BMPER: variants seen among roughly 807,000 people sequenced by gnomAD.
BMPER encodes the protein BMP binding endothelial regulator.
In BMPER, 45 loss-of-function variants were observed where a neutral mutation model predicts 87.3. The ratio of observed to expected loss-of-function variants is 0.52; its 90% confidence interval spans 0.41 to 0.66. The LOEUF is 0.66. Among genes scored for constraint, BMPER ranks in the 30% least tolerant of loss-of-function variants. BMPER has a pLI of 0.00. For synonymous variants in BMPER, 326 were observed against 316.2 expected (o/e 1.03, Z -0.33); for missense variants, 784 against 867.5 (o/e 0.90, Z 1.21).
At chr7:33,911,232 A>G (rs1309488351) in intron 2 of BMPER, among the ~76,000 whole-genome samples, 1 of 152,212 alleles carries the variant, frequency 6.6e-6, no homozygotes, top group Non-Finnish European at 1.5e-5. Context: ...GTAACAGTTA[A>G]TGTATAGGAT....
intron 6 of BMPER, among the ~76,000 whole-genome samples, chr7:33,997,014 G>T (rs1394145863): frequency 6.6e-6 from 1 of 152,120 alleles, no homozygotes; most frequent in Non-Finnish European, 1.5e-5. Context: ...TGGGGGATAA[G>T]GAAGGAGCAG....
intron 13 of BMPER, among the ~76,000 whole-genome samples, chr7:34,139,190 A>C (rs2127993560): frequency 6.6e-6 from 1 of 152,352 alleles, no homozygotes; most frequent in Middle Eastern, 3.4e-3. Flanking sequence ...AGCATGCAAA[A>C]TTATTCCATT....
At position 33,935,686 on chromosome 7, in the gene BMPER, A is replaced by G. The variant is rs77451365; in HGVS notation, c.220-1603A>G. ...CATCATAAGGACAACCAGTAAATGA[A>G]AAAACAAAACAGCAGCAGCAGCCCC... On this transcript the variant is annotated intron_variant, in intron 2 of 14. Coordinates refer to ENST00000649409, the MANE Select transcript of BMPER (RefSeq NM_001365308.1). Among the ~76,000 whole-genome samples the G allele has an allele frequency of 3.9e-3, 590 of 152,268 alleles. 5 individuals carry two copies. The highest frequency in any genetic ancestry group is 0.014 in the African/African-American group (565 of 41,554).
At chr7:33,963,655 G>A (rs373213258) in intron 3 of BMPER, among the ~76,000 whole-genome samples, 14 of 152,044 alleles carry the variant, frequency 9.2e-5, no homozygotes, top group African/African-American at 2.7e-4. Flanking sequence ...TTAGCCGGGC[G>A]TGGTGGCAGG....
At chr7:33,961,460 A>G (rs1644799120) in intron 3 of BMPER, among the ~76,000 whole-genome samples, 1 of 152,238 alleles carries the variant, frequency 6.6e-6, no homozygotes, top group African/African-American at 2.4e-5. Context: ...ACAGCTGTGT[A>G]GGAAGATGGC....
chr7:33,954,958 C>T (rs1263423513), intron 3 of BMPER, among the ~76,000 whole-genome samples: 1 of 152,068 alleles, frequency 6.6e-6, no homozygotes, highest in South Asian at 2.1e-4. Flanking sequence ...AGTGCAATGG[C>T]GTGATCTTGG....
intron 2 of BMPER, among the ~76,000 whole-genome samples, chr7:33,920,422 T>G (rs1017660948): frequency 7.5e-6 from 1 of 133,074 alleles, no homozygotes; most frequent in Non-Finnish European, 1.6e-5. Context: ...TCCGTTGTGT[T>G]TTTTTTTTTT....
Position 34,002,088 on chromosome 7 carries a change from G to A in BMPER, c.576+27304G>A, listed in dbSNP as rs570037303. On this transcript the variant is annotated intron_variant, in intron 6 of 14. Transcript: ENST00000649409. ...CTTGTTTTATGGCCAAATATATGGT[G>A]TATTGTGGAGAATGTTGTATGTGTA... is the stretch of plus-strand genomic sequence containing the variant. 2.6e-4 allele frequency among the ~76,000 whole-genome samples: 39 copies of A among 151,698 alleles called. 1 individual carries two copies. In the South Asian group the frequency reaches 7.1e-3, roughly 28 times the overall value.
At chr7:33,951,878 C>T (rs769414785) in intron 3 of BMPER, among the ~76,000 whole-genome samples, 28 of 152,002 alleles carry the variant, frequency 1.8e-4, no homozygotes, top group Non-Finnish European at 3.2e-4. Flanking sequence ...TGATAGGGAG[C>T]GAATGAGAAT....
chr7:33,932,958 T>C (rs143772447), intron 2 of BMPER, among the ~76,000 whole-genome samples: 2 of 152,262 alleles, frequency 1.3e-5, no homozygotes, highest in Non-Finnish European at 2.9e-5. Context: ...ATGGGAGAGC[T>C]CATTTCTCTC....
chr7:33,934,100 G>T (rs1359386576), intron 2 of BMPER, among the ~76,000 whole-genome samples: 1 of 152,192 alleles, frequency 6.6e-6, no homozygotes, highest in African/African-American at 2.4e-5. Context: ...TGGGGATGAG[G>T]CAGCCCAGGG....
intron 13 of BMPER, among the ~76,000 whole-genome samples, chr7:34,131,079 G>A (rs1562763229): frequency 6.6e-6 from 1 of 152,118 alleles, no homozygotes; most frequent in Non-Finnish European, 1.5e-5. Flanking sequence ...CTCATCTGAG[G>A]GTGCTCTCAT....
At chr7:34,098,598 A>T (rs1413137450) in intron 13 of BMPER, among the ~76,000 whole-genome samples, 3 of 152,040 alleles carry the variant, frequency 2.0e-5, no homozygotes, top group African/African-American at 4.8e-5. Flanking sequence ...GAGAGGGTGA[A>T]CTGGTTTCTT....
At chr7:34,000,279 C>A (rs1786544513) in intron 6 of BMPER, among the ~76,000 whole-genome samples, 1 of 151,488 alleles carries the variant, frequency 6.6e-6, no homozygotes, top group South Asian at 2.1e-4. Context: ...TTTATTCATT[C>A]AATGTTATAA....
In BMPER at chr7:34,153,505, C is replaced by A; in HGVS notation, c.*232C>A. On this transcript the variant is annotated 3_prime_UTR_variant, in exon 15 of 15. Coordinates refer to ENST00000649409, the MANE Select transcript of BMPER (RefSeq NM_001365308.1). ...TAAGACATGTATTGTTTCTAGGATC[C>A]TAACCTGTAAGCCATTGAACATGTT... The A allele has an allele frequency of 2.0e-6, 1 of 511,618 alleles. No individual in the cohort carries two copies. The highest frequency in any genetic ancestry group is 3.5e-6 in the Non-Finnish European group (1 of 288,208). 31.7% of individuals were successfully genotyped at this position (511,618 alleles called of 1,614,324 possible). A position where few individuals can be genotyped will look rare whatever the true frequency, so the allele number is the denominator to read the frequency against.
In BMPER at chr7:34,052,015, G is replaced by A. The variant is rs755207182; in HGVS notation, c.786+45G>A. On this transcript the variant is annotated intron_variant, in intron 8 of 14. Coordinates refer to ENST00000649409, the MANE Select transcript of BMPER (RefSeq NM_001365308.1). ...CTGTGGTCCAGCAATGATAGGGTTT[G>A]GGTTTCAGTGTTAACATCACAGCCA... 2.6e-6 allele frequency: 4 copies of A among 1,527,730 alleles called. No homozygotes were observed. The South Asian group carries it at 4.5e-5, about 17-fold the overall frequency. 94.6% of individuals were successfully genotyped at this position (1,527,730 alleles called of 1,614,324 possible).
intron 3 of BMPER, among the ~76,000 whole-genome samples, chr7:33,962,982 A>T (rs1189190754): frequency 2.0e-5 from 3 of 152,208 alleles, no homozygotes; most frequent in African/African-American, 7.2e-5. Context: ...AGCAAAGGAT[A>T]TTATGCTGAA....
At chr7:34,148,111 T>C (rs1791076994) in intron 14 of BMPER, among the ~76,000 whole-genome samples, 1 of 152,158 alleles carries the variant, frequency 6.6e-6, no homozygotes, top group Non-Finnish European at 1.5e-5. Context: ...TCCATGTCTC[T>C]AACCCACCAA....
chr7:34,123,824 G>T (rs931678165), intron 13 of BMPER, among the ~76,000 whole-genome samples: 2 of 152,152 alleles, frequency 1.3e-5, no homozygotes, highest in Non-Finnish European at 1.5e-5. Context: ...AGCTAATTAG[G>T]ATCCACATTA....
Sources: gnomAD v4.1 joint callset for allele counts (sites outside exome capture counted in the v4.1 genomes callset) on GRCh38, gnomAD v4.1.1 for gene constraint, MANE v1.5 for transcripts, NCBI Gene and HGNC (gene_info 2026-07-23, HGNC 2026-07-21) for gene names.